Variants in ZNF248 observed in about 807,000 individuals in gnomAD.
The protein encoded by ZNF248 is zinc finger protein 248.
Under a neutral mutation model 44.3 loss-of-function variants are expected in ZNF248, and 20 were observed. The ratio of observed to expected loss-of-function variants is 0.45; its 90% CI spans 0.32 to 0.66. The LOEUF (loss-of-function observed/expected upper bound fraction) is 0.66, where lower values mean the gene tolerates loss of function less well. Ranked by LOEUF, ZNF248 falls within the 30% of genes least tolerant of loss-of-function variation. The probability of loss-of-function intolerance (pLI) is 0.04; values close to 1 mark genes in which losing one functional copy is unlikely to be tolerated. For synonymous variants in ZNF248, 224 were observed against 229.0 expected, an observed-to-expected ratio of 0.98 and a Z score of 0.20; for missense variants, 654 against 677.0, an observed-to-expected ratio of 0.97 and a Z score of 0.38.
intron 3 of ZNF248, among the ~76,000 whole-genome samples, chr10:37,854,998 A>G (rs2061020817): frequency 6.6e-6 from 1 of 152,246 alleles, no homozygotes; most frequent in Admixed American, 6.5e-5. Context: ...CCTGCATGTT[A>G]AAAAGATGCC....
intron 6 of ZNF248, among the ~76,000 whole-genome samples, chr10:37,797,482 G>A (rs2049290355): frequency 6.6e-6 from 1 of 152,050 alleles, no homozygotes; most frequent in African/African-American, 2.4e-5. Context: ...AAACTTTTGT[G>A]CTTCCTAAGA....
chr10:37,841,375 T>C lies in ZNF248; in HGVS notation c.16-3264A>G, dbSNP rs554960265. Among the ~76,000 whole-genome samples the C allele has an allele frequency of 5.4e-4, 82 of 152,174 alleles. 1 individual carries two copies. The highest frequency in any genetic ancestry group is 2.9e-5 in the Non-Finnish European group (2 of 68,020). On this transcript the variant is annotated intron_variant, in intron 3 of 5. Coordinates refer to ENST00000395867, the MANE Select transcript of ZNF248 (RefSeq NM_021045.3). ...TATGTTCTATTTCCTAACTTAACTC[T>C]ACTTCCTTTGGAGTAAATTTCTCTG...
intron 6 of ZNF248, among the ~76,000 whole-genome samples, chr10:37,807,098 C>T (rs1053504730): frequency 1.3e-5 from 2 of 152,074 alleles, no homozygotes; most frequent in Non-Finnish European, 2.9e-5. Context: ...ATTCTCCTGT[C>T]TCAGCCTCCC....
chr10:37,777,847 C>A (rs1340416139), intron 6 of ZNF248, among the ~76,000 whole-genome samples: 1 of 152,018 alleles, frequency 6.6e-6, no homozygotes, highest in Non-Finnish European at 1.5e-5. Context: ...CATCCATTTC[C>A]CTACAAAGGA....
the ZNF248 span, among the ~76,000 whole-genome samples, chr10:37,762,379 G>T: frequency 3.3e-5 from 5 of 152,144 alleles, no homozygotes; most frequent in Admixed American, 3.3e-4. Flanking sequence ...GGAAACTAAA[G>T]AACTTATGTT....
intron 3 of ZNF248, among the ~76,000 whole-genome samples, chr10:37,841,223 T>C (rs1278630956): frequency 6.6e-6 from 1 of 152,182 alleles, no homozygotes; most frequent in Non-Finnish European, 1.5e-5. Context: ...TTTCTAAAGA[T>C]GTGTATTTAA....
At chr10:37,827,678 G>A (rs572997143), downstream of ZNF248, among the ~76,000 whole-genome samples, 1 of 152,118 alleles carries the variant, frequency 6.6e-6, no homozygotes, top group African/African-American at 2.4e-5. Flanking sequence ...ATGGGAATAG[G>A]TAAGTCTTCC....
In ZNF248 at chr10:37,832,949, G is replaced by A; in HGVS notation, c.406C>T (p.Pro136Ser). The A allele has an allele frequency of 1.2e-6, 2 of 1,613,472 alleles. No individual in the cohort carries two copies. Among genetic ancestry groups the A allele is most frequent in the Non-Finnish European group, 1.7e-6 (2 of 1,179,704 alleles). Residue 136 changes from proline (P) to serine (S), a missense_variant, in exon 6 of 6, where the codon CCC (proline) becomes TCC (serine). Physicochemically the swap from Pro to Ser is moderately conservative, Grantham distance 74. Coordinates refer to ENST00000395867, the MANE Select transcript of ZNF248 (RefSeq NM_021045.3). ...TCACATGAGTCACATATTTTATAGG[G>A]ATAATTTCTTAAAGAAACAGGGTCT... Reference protein sequence around the residue: ...GTDPVSLRNYPYKICDSCEMN... With the variant: ...GTDPVSLRNYSYKICDSCEMN...
chr10:37,832,270 C>T lies in ZNF248; in HGVS notation c.1085G>A (p.Ser362Asn). 3 of 1,614,044 alleles carry T rather than the reference C, an allele frequency of 1.9e-6. No individual in the cohort carries two copies. The highest frequency in any genetic ancestry group is 2.5e-6 in the Non-Finnish European group (3 of 1,179,950). The change falls in exon 6 of 6, where the codon AGC (serine) becomes AAC (asparagine). Residue 362 changes from serine (S) to asparagine (N), a missense_variant. Physicochemically the swap from Ser to Asn is conservative, Grantham distance 46. Coordinates refer to ENST00000395867, the MANE Select transcript of ZNF248 (RefSeq NM_021045.3). ...AAGCTGGGTAAGATGTGACTTCTTG[C>T]TGAAATTACTCCCATTTTCATTGTA... ...YDYNENGSNF[S>N]KKSHLTQLRR...
the ZNF248 span, among the ~76,000 whole-genome samples, chr10:37,766,855 CA>C: frequency 6.6e-6 from 1 of 151,872 alleles, no homozygotes; most frequent in African/African-American, 2.4e-5. Flanking sequence ...AAACCAATGG[CA>C]AAGAAGTTAA....
At chr10:37,801,953 A>G (rs1443011818) in intron 6 of ZNF248, among the ~76,000 whole-genome samples, 2 of 152,160 alleles carry the variant, frequency 1.3e-5, no homozygotes, top group African/African-American at 4.8e-5. Context: ...TTCTCTTTGA[A>G]TTCTCTTTTG....
chr10:37,772,764 A>G (rs987525165), downstream of ZNF248, among the ~76,000 whole-genome samples: 1 of 152,130 alleles, frequency 6.6e-6, no homozygotes, highest in Non-Finnish European at 1.5e-5. Flanking sequence ...CATCTTTCCA[A>G]TGATTTCATT....
At chr10:37,820,246 GT>G in intron 6 of ZNF248, 2 of 1,351,022 alleles carry the variant, frequency 1.5e-6, no homozygotes, top group Non-Finnish European at 2.1e-6. Context: ...ATGGAGATCT[GT>G]TTTTGGGAGC....
intron 6 of ZNF248, among the ~76,000 whole-genome samples, chr10:37,811,044 A>G (rs1219307848): frequency 6.6e-6 from 1 of 152,220 alleles, no homozygotes; most frequent in Non-Finnish European, 1.5e-5. Flanking sequence ...GTGCATTTCC[A>G]TAAACACTGA....
chr10:37,825,710 G>A (rs1046135330), downstream of ZNF248, among the ~76,000 whole-genome samples: 2 of 152,024 alleles, frequency 1.3e-5, no homozygotes, highest in Non-Finnish European at 2.9e-5. Context: ...CAAAGTGCTG[G>A]GATTAGAGGC....
chr10:37,772,832 G>C (rs534554962), downstream of ZNF248, among the ~76,000 whole-genome samples: 1 of 152,260 alleles, frequency 6.6e-6, no homozygotes, highest in African/African-American at 2.4e-5. Context: ...AAGTAACAGC[G>C]TTCCACATTT....
At chr10:37,810,561 T>G (rs758257006) in intron 6 of ZNF248, among the ~76,000 whole-genome samples, 3 of 152,154 alleles carry the variant, frequency 2.0e-5, no homozygotes, top group Non-Finnish European at 2.9e-5. Flanking sequence ...TTGGAAAAGT[T>G]TTTGGAGATA....
chr10:37,823,444 G>A (rs980876041), intron 6 of ZNF248, among the ~76,000 whole-genome samples: 3 of 149,462 alleles, frequency 2.0e-5, no homozygotes, highest in East Asian at 2.0e-4. Flanking sequence ...AATTCTCAAC[G>A]TTCTATATTT....
chr10:37,834,395 C>A (rs1006273667), intron 5 of ZNF248, among the ~76,000 whole-genome samples: 1 of 152,108 alleles, frequency 6.6e-6, no homozygotes, highest in Admixed American at 6.6e-5. Flanking sequence ...TTCCAACCTG[C>A]ACCTGATCAG....
Sources: gnomAD v4.1 joint callset for allele counts (sites outside exome capture counted in the v4.1 genomes callset) on GRCh38, gnomAD v4.1.1 for gene constraint, MANE v1.5 for transcripts, NCBI Gene and HGNC (gene_info 2026-07-23, HGNC 2026-07-21) for gene names.